IL1RAPL1: variants seen among roughly 807,000 people sequenced by gnomAD.
IL1RAPL1 encodes interleukin-1 receptor accessory protein-like 1.
IL1RAPL1 carries 3 observed loss-of-function variants against 48.4 expected under a neutral mutation model. That is an observed-to-expected ratio of 0.06 (90% CI 0.03 to 0.16). The LOEUF is 0.16. Ranked by LOEUF, IL1RAPL1 falls within the 10% of genes least tolerant of loss-of-function variation. The pLI is 1.00. For synonymous variants in IL1RAPL1, 185 were observed against 187.7 expected (o/e 0.99, Z 0.12); for missense variants, 349 against 530.6 (o/e 0.66, Z 3.36).
chrX:29,340,545 AT>A (rs771143466), intron 3 of IL1RAPL1, among the ~76,000 whole-genome samples: 4 of 111,367 alleles, frequency 3.6e-5, no homozygotes, highest in Non-Finnish European at 7.5e-5. Context: ...TAAAAGCCTA[AT>A]TTTTTTTGGA....
chrX:29,364,584 GA>G (rs887010401), intron 3 of IL1RAPL1, among the ~76,000 whole-genome samples: 1 of 84,618 alleles, frequency 1.2e-5, no homozygotes, highest in African/African-American at 4.6e-5. Flanking sequence ...AAAAAAAAAA[GA>G]AAAAATATTT....
chrX:29,148,397 C>T (rs1230642917), intron 2 of IL1RAPL1, among the ~76,000 whole-genome samples: 1 of 111,525 alleles, frequency 9.0e-6, no homozygotes, highest in Non-Finnish European at 1.9e-5. Flanking sequence ...TGTTACTGCC[C>T]CTGTTGTCAA....
chrX:28,596,155 G>A (rs1322374136), intron 1 of IL1RAPL1, among the ~76,000 whole-genome samples: 2 of 111,507 alleles, frequency 1.8e-5, no homozygotes, highest in African/African-American at 3.3e-5. Context: ...AAACACTTAC[G>A]GATAACAGGT....
chrX:29,004,692 T>C (rs919623914), intron 2 of IL1RAPL1, among the ~76,000 whole-genome samples: 2 of 111,512 alleles, frequency 1.8e-5, no homozygotes, highest in Non-Finnish European at 3.8e-5. Flanking sequence ...GAAGAAAATA[T>C]TCCTAATCAA....
intron 2 of IL1RAPL1, among the ~76,000 whole-genome samples, chrX:29,258,125 C>G (rs1180048242): frequency 9.0e-6 from 1 of 110,541 alleles, no homozygotes; most frequent in African/African-American, 3.3e-5. Flanking sequence ...TTTAGTGATA[C>G]TAAGTATACA....
chrX:28,769,324 A>G (rs1025438540), intron 1 of IL1RAPL1, among the ~76,000 whole-genome samples: 1 of 111,109 alleles, frequency 9.0e-6, no homozygotes, highest in Non-Finnish European at 1.9e-5. Flanking sequence ...GATATATAAC[A>G]TAGAACATAA....
chrX:28,653,312 T>C (rs1934707883), intron 1 of IL1RAPL1, among the ~76,000 whole-genome samples: 1 of 110,576 alleles, frequency 9.0e-6, no homozygotes, highest in Non-Finnish European at 1.9e-5. Context: ...CTGTCTCTAC[T>C]AAAAATACAA....
chrX:29,415,835 G>T (rs1160370529), intron 5 of IL1RAPL1, among the ~76,000 whole-genome samples: 1 of 112,171 alleles, frequency 8.9e-6, no homozygotes, highest in African/African-American at 3.2e-5. Context: ...TAAGCAGTAG[G>T]TTCCCATTAG....
At chrX:29,625,512 A>C (rs1333462854) in intron 5 of IL1RAPL1, among the ~76,000 whole-genome samples, 1 of 111,977 alleles carries the variant, frequency 8.9e-6, no homozygotes, top group African/African-American at 3.2e-5. Context: ...AAATGACTGC[A>C]AAATAAATGT....
intron 6 of IL1RAPL1, among the ~76,000 whole-genome samples, chrX:29,713,375 G>A (rs185241159): frequency 9.0e-6 from 1 of 111,610 alleles, no homozygotes; most frequent in Admixed American, 9.6e-5. Flanking sequence ...TTTTAAAAAT[G>A]GATTCAGTAA....
chrX:28,978,416 G>A (rs770942086), intron 2 of IL1RAPL1, among the ~76,000 whole-genome samples: 5 of 111,679 alleles, frequency 4.5e-5, no homozygotes, highest in Non-Finnish European at 9.4e-5. Flanking sequence ...TGAGGAAAGG[G>A]GAGAGAATAA....
At chrX:28,725,092 T>C (rs1387152195) in intron 1 of IL1RAPL1, among the ~76,000 whole-genome samples, 2 of 53,130 alleles carry the variant, frequency 3.8e-5, no homozygotes, top group African/African-American at 2.2e-4. Flanking sequence ...TCTGGGACTA[T>C]AGGCGCCCGC....
chrX:28,677,907 A>G (rs1935016663), intron 1 of IL1RAPL1, among the ~76,000 whole-genome samples: 2 of 110,980 alleles, frequency 1.8e-5, no homozygotes, highest in Non-Finnish European at 1.9e-5. Context: ...CTTCAGGATA[A>G]ATTTCAGGAA....
chrX:29,016,557 A>G (rs1241052451), intron 2 of IL1RAPL1, among the ~76,000 whole-genome samples: 1 of 111,148 alleles, frequency 9.0e-6, no homozygotes, highest in Non-Finnish European at 1.9e-5. Context: ...AGGCAGCATA[A>G]GAAGTTTTAT....
chrX:29,036,193 A>G (rs1009451693), intron 2 of IL1RAPL1, among the ~76,000 whole-genome samples: 10 of 112,509 alleles, frequency 8.9e-5, no homozygotes, highest in African/African-American at 2.9e-4. Context: ...ATATTTGAAG[A>G]GAATCATAGC....
Position 28,817,507 on chromosome X carries a change from A to G in IL1RAPL1, c.82+28082A>G, listed in dbSNP as rs770931643. Among the ~76,000 whole-genome samples, 36 of 111,474 alleles carry G rather than the reference A, an allele frequency of 3.2e-4. 1 individual carries two copies. Among genetic ancestry groups the G allele is most frequent in the Admixed American group, 1.2e-3 (13 of 10,452 alleles). On this transcript the variant is annotated intron_variant, in intron 2 of 10. Coordinates refer to ENST00000378993, the MANE Select transcript of IL1RAPL1 (RefSeq NM_014271.4). The stretch of plus-strand genomic sequence containing the variant: ...TAATAGGAGACTGCTGGCAGAGTCA[A>G]TATAATGCATAATGTGCTTAGAGAC...
intron 1 of IL1RAPL1, among the ~76,000 whole-genome samples, chrX:28,634,690 T>C (rs955573786): frequency 9.0e-6 from 1 of 110,812 alleles, no homozygotes; most frequent in African/African-American, 3.3e-5. Flanking sequence ...TTTCTAATTT[T>C]TTAGTCCTTC....
chrX:29,852,881 CAAT>C (rs1373608523), intron 6 of IL1RAPL1, among the ~76,000 whole-genome samples: 1 of 111,337 alleles, frequency 9.0e-6, no homozygotes, highest in African/African-American at 3.3e-5. Context: ...GCAATAACAA[CAAT>C]AATAATGAGC....
At chrX:28,938,443 C>T (rs1285670795) in intron 2 of IL1RAPL1, among the ~76,000 whole-genome samples, 3 of 94,569 alleles carry the variant, frequency 3.2e-5, no homozygotes, top group African/African-American at 1.2e-4. Context: ...ATTCAATAAA[C>T]GGTGCTGAGA....
Sources: allele counts gnomAD v4.1 joint callset (sites outside exome capture counted in the v4.1 genomes callset), GRCh38; gene constraint gnomAD v4.1.1; transcripts MANE v1.5; gene names NCBI Gene and HGNC (gene_info 2026-07-23, HGNC 2026-07-21).